ARHGAP45: variants seen among roughly 807,000 people sequenced by gnomAD.
ARHGAP45 encodes the protein Rho GTPase activating protein 45.
In ARHGAP45, 56 loss-of-function variants were observed where a neutral mutation model predicts 116.1. The ratio of observed to expected loss-of-function variants is 0.48; its 90% confidence interval spans 0.39 to 0.60. ARHGAP45 has a LOEUF of 0.60. ARHGAP45 is among the 20% of genes least tolerant of loss of function. The pLI, the probability that ARHGAP45 is intolerant of heterozygous loss-of-function variation, is 0.00. For synonymous variants in ARHGAP45, 866 were observed against 701.7 expected, an observed-to-expected ratio of 1.23 and a Z score of -3.70; for missense variants, 1,622 against 1,601.0, an observed-to-expected ratio of 1.01 and a Z score of -0.22.
Position 1,079,938 on chromosome 19 carries a change from C to A in ARHGAP45, c.1523C>A (p.Ser508Tyr). 1 of 1,610,960 alleles carries A rather than the reference C, an allele frequency of 6.2e-7. No homozygotes were observed. Among genetic ancestry groups the A allele is most frequent in the Non-Finnish European group, 8.5e-7 (1 of 1,178,426 alleles). Residue 508 changes from serine to tyrosine, a missense_variant, in exon 13 of 23, where the codon TCC (serine) becomes TAC (tyrosine). Around this residue, in one of 3 missense-constraint regions of ARHGAP45, gnomAD observed 1,334 missense variants for 1,263.8 expected, o/e 1.06. Coordinates refer to ENST00000313093, the MANE Select transcript of ARHGAP45 (RefSeq NM_012292.5). Reference protein sequence around the residue: ...SDQTIKSATISYYQMMHMQTA... With the variant: ...SDQTIKSATIYYYQMMHMQTA... Reference sequence around the variant, plus strand: ...CGGTGCCGCCCGCAGGCCACGATCTCCTACTACCAGATGATGCATATGCAG... The same window carrying A: ...CGGTGCCGCCCGCAGGCCACGATCTACTACTACCAGATGATGCATATGCAG...
At chr19:1,085,237 G>A (rs977895048) in intron 22 of ARHGAP45, among the ~76,000 whole-genome samples, 11 of 152,146 alleles carry the variant, frequency 7.2e-5, no homozygotes, top group Admixed American at 4.6e-4. Flanking sequence ...GAGAGCTTGT[G>A]TCCGGAAACT....
chr19:1,072,998 C>G, intron 2 of ARHGAP45, 151 bp from the exon 3 acceptor site: 1 of 910,294 alleles, frequency 1.1e-6, no homozygotes, highest in Non-Finnish European at 1.7e-6. Context: ...GCCCTCCCCG[C>G]GGTCTCGAAA....
rs1302590562 is a variant in ARHGAP45 at position 1,074,131 on chromosome 19, T to G, written c.818T>G (p.Val273Gly). Residue 273 changes from valine (V) to glycine (G), a missense_variant, in exon 7 of 23, where the codon GTG becomes GGG. By Grantham distance (109) the Val-to-Gly change is moderately radical. Coordinates refer to ENST00000313093, the MANE Select transcript of ARHGAP45 (RefSeq NM_012292.5). ...AGCLPAEEVD[V>G]LLQRCEGGVD... ...TGCCTGCCCGCCGAGGAGGTGGACG[T>G]GCTGCTACAGCGCTGTGAGGGGGGC... 3 of 1,613,192 alleles carry G rather than the reference T, an allele frequency of 1.9e-6. No individual in the cohort carries two copies. Among genetic ancestry groups the G allele is most frequent in the Non-Finnish European group, 2.5e-6 (3 of 1,179,894 alleles).
In ARHGAP45 at chr19:1,081,014, T is replaced by C; in HGVS notation, c.2140T>C (p.Cys714Arg). The C allele has an allele frequency of 6.2e-7, 1 of 1,608,810 alleles. No homozygotes were observed. Among genetic ancestry groups the C allele is most frequent in the South Asian group, 1.1e-5 (1 of 90,354 alleles). Residue 714 changes from cysteine to arginine, a missense_variant, in exon 17 of 23, where the codon TGC (cysteine) becomes CGC (arginine). Coordinates refer to ENST00000313093, the MANE Select transcript of ARHGAP45 (RefSeq NM_012292.5). The part of the protein sequence containing the change: ...RLRKLRTPAK[C>R]RECNSYVYFQ... ...CCGGAAGCTCCGCACGCCCGCCAAG[T>C]GCCGCGAGTGCAACAGCTACGTCTA... is the stretch of plus-strand genomic sequence containing the variant.
chr19:1,076,543 C>T (rs1488649229), intron 10 of ARHGAP45, among the ~76,000 whole-genome samples: 1 of 127,502 alleles, frequency 7.8e-6, no homozygotes, highest in Admixed American at 9.7e-5. Context: ...GTTGCCCAGG[C>T]TGCAGTGCAG....
intron 2 of ARHGAP45, among the ~76,000 whole-genome samples, chr19:1,070,329 CTTTTTT>C (rs1172163710): frequency 1.1e-5 from 1 of 93,270 alleles, no homozygotes; most frequent in African/African-American, 4.5e-5. Flanking sequence ...CTTTTCTTTT[CTTTTTT>C]TTTTTTTTTT....
At position 1,081,542 on chromosome 19, in the gene ARHGAP45, G is replaced by A. The variant is rs548178464; in HGVS notation, c.2191-8G>A. The A allele has an allele frequency of 6.2e-6, 9 of 1,456,238 alleles. No individual in the cohort carries two copies. The highest frequency in any genetic ancestry group is 2.9e-5 in the African/African-American group (2 of 69,602). 90.2% of individuals were successfully genotyped at this position (1,456,238 alleles called of 1,614,324 possible). On this transcript the variant is annotated splice_region_variant and splice_polypyrimidine_tract_variant and intron_variant, in intron 17 of 22. Coordinates refer to ENST00000313093, the MANE Select transcript of ARHGAP45 (RefSeq NM_012292.5). ...GGGGCTGGGCTCACTCACTCTGGCC[G>A]CCCCCAGTGCTGCCTGGCCTGCCAC...
upstream of ARHGAP45, chr19:1,066,232 G>A (rs563152238): frequency 2.0e-4 from 262 of 1,327,042 alleles, no homozygotes; most frequent in African/African-American, 3.3e-3. Flanking sequence ...GGTTCTGGAA[G>A]GGGACAGCAG....
At chr19:1,084,873 G>A (rs1472259912) in intron 22 of ARHGAP45, among the ~76,000 whole-genome samples, 1 of 152,178 alleles carries the variant, frequency 6.6e-6, no homozygotes, top group African/African-American at 2.4e-5. Context: ...CTTGAGGTTA[G>A]GAGTTCAAGA....
At position 1,068,257 on chromosome 19, in the gene ARHGAP45, T is replaced by G; in HGVS notation, c.91-157T>G. The G allele has an allele frequency of 3.3e-6, 2 of 605,810 alleles. No individual in the cohort carries two copies. Among genetic ancestry groups the G allele is most frequent in the South Asian group, 2.1e-5 (1 of 46,818 alleles). The allele number at this position is 605,810 out of a possible 1,614,324, so 37.5% of individuals were successfully genotyped here. A position where few individuals can be genotyped will look rare whatever the true frequency, so the allele number is the denominator to read the frequency against. On this transcript the variant is annotated intron_variant, in intron 1 of 22. Coordinates refer to ENST00000313093, the MANE Select transcript of ARHGAP45 (RefSeq NM_012292.5). This position sits in a 1 kb window ranked among gnomAD's most constrained non-coding sequence, Gnocchi z 7.5. Reference sequence around the variant, plus strand: ...GGATGTTGGGTAACAGGTGGGGGGGTACACTACCAAATCTCGGCCCTGTGA... The same window carrying G: ...GGATGTTGGGTAACAGGTGGGGGGGGACACTACCAAATCTCGGCCCTGTGA...
chr19:1,066,311 A>C, upstream of ARHGAP45: 1 of 770,026 alleles, frequency 1.3e-6, no homozygotes, highest in South Asian at 1.8e-5. Context: ...GGAGGCTGGG[A>C]TCTGTATGCC....
Position 1,081,706 on chromosome 19 carries a change from T to C in ARHGAP45, c.2347T>C (p.Cys783Arg). 1 of 1,587,448 alleles carries C rather than the reference T, an allele frequency of 6.3e-7. No individual in the cohort carries two copies. Residue 783 changes from cysteine to arginine, a missense_variant, in exon 18 of 23, where the codon TGC (cysteine) becomes CGC (arginine). Coordinates refer to ENST00000313093, the MANE Select transcript of ARHGAP45 (RefSeq NM_012292.5). ...GVPFIVKKCV[C>R]EIERRALRTK... ...GCCCTTCATCGTCAAGAAGTGCGTC[T>C]GCGAGATCGAGCGGCGGGCGCTGCG... is the stretch of plus-strand genomic sequence containing the variant.
chr19:1,066,395 A>C, upstream of ARHGAP45: 1 of 561,048 alleles, frequency 1.8e-6, no homozygotes, highest in East Asian at 3.0e-5. Flanking sequence ...CCTGCTGCCC[A>C]GCACGTCCGG....
chr19:1,082,848 G>T lies in ARHGAP45; in HGVS notation c.2526G>T (p.Glu842Asp). 6.6e-7 allele frequency: 1 copy of T among 1,511,856 alleles called. No individual in the cohort carries two copies. The highest frequency in any genetic ancestry group is 2.2e-5 in the Admixed American group (1 of 44,526). 93.7% of individuals were successfully genotyped at this position (1,511,856 alleles called of 1,614,324 possible). The change falls in exon 20 of 23, where the codon GAG (glutamate) becomes GAT (aspartate). Residue 842 changes from glutamate (E) to aspartate (D), a missense_variant. Glu to Asp is a conservative substitution (Grantham distance 45, BLOSUM62 2). Transcript: ENST00000313093. ...VLKLYLRQLP[E>D]PLISFRLYHE... Reference sequence around the variant, plus strand: ...CCCTTGACTCTGCGCAGCTTCCCGAGCCGCTCATCTCCTTCCGCCTCTACC... The same window carrying T: ...CCCTTGACTCTGCGCAGCTTCCCGATCCGCTCATCTCCTTCCGCCTCTACC...
intron 19 of ARHGAP45, 58 bp downstream of exon 19, chr19:1,082,019 G>T: frequency 1.3e-6 from 2 of 1,573,710 alleles, no homozygotes; most frequent in Non-Finnish European, 1.7e-6. Context: ...CAGGCAGGAG[G>T]AGGCGGGGTG....
At chr19:1,076,445 A>G (rs1042718083) in intron 10 of ARHGAP45, among the ~76,000 whole-genome samples, 1 of 95,052 alleles carries the variant, frequency 1.1e-5, no homozygotes, top group Non-Finnish European at 2.2e-5. Context: ...CCTGTGGCCT[A>G]TTTTGCCAGG....
chr19:1,078,053 C>A lies in ARHGAP45; in HGVS notation c.1374+8C>A. 6.5e-7 allele frequency: 1 copy of A among 1,545,734 alleles called. No homozygotes were observed. Among genetic ancestry groups the A allele is most frequent in the Non-Finnish European group, 8.8e-7 (1 of 1,140,784 alleles). On this transcript the variant is annotated splice_region_variant and intron_variant, in intron 11 of 22. Coordinates refer to ENST00000313093, the MANE Select transcript of ARHGAP45 (RefSeq NM_012292.5). ...GAGGAGGCCAAGAACAAGGTGAGGG[C>A]GGGTGGAGGCAGGGCTGGAGGTCCC...
intron 1 of ARHGAP45, chr19:1,067,813 TG>T (rs2043067137): frequency 3.3e-6 from 2 of 605,048 alleles, no homozygotes; most frequent in African/African-American, 1.9e-5. Flanking sequence ...TTAGGCAATC[TG>T]GGGGCTCTAG....
chr19:1,069,193 G>A lies in ARHGAP45; in HGVS notation c.421+449G>A, dbSNP rs1280992737. On this transcript the variant is annotated intron_variant, in intron 2 of 22. Transcript: ENST00000313093. The surrounding 1 kb of genome is among the most constrained non-coding windows in gnomAD (Gnocchi z 4.1). ...CTGTGTCTTGGAATGAAGCAAACTG[G>A]GGGTTGGCTGAGGTCTGGGTGGAGA... is the stretch of plus-strand genomic sequence containing the variant. Among the ~76,000 whole-genome samples the A allele has an allele frequency of 1.3e-5, 2 of 152,110 alleles. No individual in the cohort carries two copies. Among genetic ancestry groups the A allele is most frequent in the African/African-American group, 4.8e-5 (2 of 41,404 alleles).
Sources: allele counts gnomAD v4.1 joint callset (sites outside exome capture counted in the v4.1 genomes callset), GRCh38; gene constraint gnomAD v4.1.1; regional missense constraint gnomAD v4.1.1; non-coding constraint Gnocchi (gnomAD v3.1); transcripts MANE v1.5; gene names NCBI Gene and HGNC (gene_info 2026-07-23, HGNC 2026-07-21).